The following C18orf54 variants were observed in gnomAD, a reference collection of about 807,000 sequenced individuals.
C18orf54 encodes lung adenoma susceptibility protein 2.
In C18orf54, 49 loss-of-function variants were observed where a neutral mutation model predicts 49.3. That is an observed-to-expected ratio of 0.99 (90% CI 0.79 to 1.26). C18orf54 has a LOEUF of 1.26. C18orf54 is among the 50% of genes most tolerant of loss of function. C18orf54 has a pLI of 0.00. For synonymous variants in C18orf54, 211 were observed against 216.6 expected, an observed-to-expected ratio of 0.97 and a Z score of 0.23; for missense variants, 687 against 620.6, an observed-to-expected ratio of 1.11 and a Z score of -1.14.
intron 5 of C18orf54, chr18:54,363,829 T>C (rs1233331988): frequency 5.9e-5 from 9 of 151,828 alleles, no homozygotes; most frequent in Non-Finnish European, 4.4e-5. Flanking sequence ...TTTTTTATTC[T>C]CAGTTGATTG....
intron 5 of C18orf54, among the ~76,000 whole-genome samples, chr18:54,364,725 T>G (rs1347106452): frequency 6.6e-6 from 1 of 152,078 alleles, no homozygotes; most frequent in Non-Finnish European, 1.5e-5. Flanking sequence ...TGGTAAATGT[T>G]TTTTAATAAC....
chr18:54,372,698 C>A, intron 7 of C18orf54, 101 bp downstream of exon 7: 1 of 1,098,878 alleles, frequency 9.1e-7, no homozygotes, highest in Non-Finnish European at 1.3e-6. Flanking sequence ...TGTTAGTAAG[C>A]ATGCCACATT....
chr18:54,367,450 G>C (rs2089406649), intron 6 of C18orf54, among the ~76,000 whole-genome samples: 1 of 152,088 alleles, frequency 6.6e-6, no homozygotes, highest in South Asian at 2.1e-4. Flanking sequence ...GGTTATGTAA[G>C]AAAGAGTTTA....
rs1426332278 is a variant in C18orf54, at chr18:54,362,120, C to G, written c.761C>G (p.Thr254Ser). The change falls in exon 4 of 9, where the codon ACT becomes AGT. Residue 254 changes from threonine to serine, a missense_variant. Coordinates refer to ENST00000620105, the MANE Select transcript of C18orf54 (RefSeq NM_001288980.2). ...QKSDLNVSGI[T>S]SIPDFKYPVW... Reference sequence around the variant, plus strand: ...TCTGACCTTAATGTTTCAGGGATAACTAGTATACCTGATTTCAAATACCCA... The same window carrying G: ...TCTGACCTTAATGTTTCAGGGATAAGTAGTATACCTGATTTCAAATACCCA... The G allele has an allele frequency of 6.5e-7, 1 of 1,536,824 alleles. No homozygotes were observed. The highest frequency in any genetic ancestry group is 1.2e-5 in the South Asian group (1 of 84,090).
Position 54,362,818 on chromosome 18 carries a change from C to CAGTGTACTGA in C18orf54, c.1123_1132dup (p.Glu378ValfsTer3). The CAGTGTACTGA allele has an allele frequency of 1.2e-6, 2 of 1,611,482 alleles. No homozygotes were observed. Among genetic ancestry groups the CAGTGTACTGA allele is most frequent in the South Asian group, 2.2e-5 (2 of 90,498 alleles). On this transcript the variant is annotated frameshift_variant, in exon 5 of 9. Transcript: ENST00000620105. LOFTEE classifies it high-confidence loss of function. ...CTTGAAGGCCAAGAGAAATCTAGAG[C>CAGTGTACTGA]AGTGTACTGAAGAATTACCAAAGTC...
intron 6 of C18orf54, among the ~76,000 whole-genome samples, chr18:54,369,798 T>C (rs937122488): frequency 1.8e-4 from 27 of 152,264 alleles, no homozygotes; most frequent in Middle Eastern, 3.4e-3. Flanking sequence ...TTTAGCCTTA[T>C]AATATCATAA....
At chr18:54,361,584 A>G in intron 3 of C18orf54, 59 bp from the exon 4 acceptor site, 1 of 1,367,200 alleles carries the variant, frequency 7.3e-7, no homozygotes, top group East Asian at 2.5e-5. Flanking sequence ...ATTCTCATTT[A>G]CTGTTGGATA....
intron 6 of C18orf54, among the ~76,000 whole-genome samples, chr18:54,370,931 C>T (rs1042772555): frequency 2.0e-5 from 3 of 148,666 alleles, no homozygotes; most frequent in Non-Finnish European, 4.5e-5. Flanking sequence ...CTAACTGGAT[C>T]CTTTTACCCT....
chr18:54,374,376 A>C lies in C18orf54; in HGVS notation c.1529+92A>C, dbSNP rs979025683. On this transcript the variant is annotated intron_variant, in intron 8 of 8. Coordinates refer to ENST00000620105, the MANE Select transcript of C18orf54 (RefSeq NM_001288980.2). ...CAGGGTAGAAGTAAGTAGTTTTAAG[A>C]GTAGCACTACTAGGCATATTTAAGC... The C allele has an allele frequency of 5.2e-6, 7 of 1,340,522 alleles. No homozygotes were observed. In the African/African-American group the frequency reaches 9.0e-5, roughly 17 times the overall value. The allele number at this position is 1,340,522 out of a possible 1,614,324, so 83.0% of individuals were successfully genotyped here.
intron 7 of C18orf54, 52 bp downstream of exon 7, chr18:54,372,649 T>A (rs2089509138): frequency 6.1e-6 from 9 of 1,476,612 alleles, no homozygotes; most frequent in Non-Finnish European, 8.2e-6. Context: ...GTATAAAGAT[T>A]TTTTTCTACA....
rs199598871 is a variant in C18orf54 at position 54,360,706 on chromosome 18, A to G, written c.134A>G (p.Tyr45Cys). The G allele has an allele frequency of 1.9e-6, 3 of 1,614,100 alleles. No individual in the cohort carries two copies. The highest frequency in any genetic ancestry group is 2.5e-6 in the Non-Finnish European group (3 of 1,179,956). The change falls in exon 3 of 9, where the codon TAC becomes TGC. Residue 45 changes from tyrosine to cysteine, a missense_variant. Tyr to Cys is a radical substitution (Grantham distance 194, BLOSUM62 -2). Transcript: ENST00000620105. ...DGSFHYKDKL[Y>C]RSASQALQAY... Reference sequence around the variant, plus strand: ...TCGTTTCACTATAAAGATAAGCTGTACAGATCTGCTTCTCAAGCTCTACAG... The same window carrying G: ...TCGTTTCACTATAAAGATAAGCTGTGCAGATCTGCTTCTCAAGCTCTACAG...
In C18orf54 at chr18:54,359,345, A is replaced by T. The variant is rs186513935; in HGVS notation, c.-47+475A>T. ...GGCTTAGTTTAGCCATTCGTCAGAG[A>T]TATACCAGTATTACAGAATTCAGAT... On this transcript the variant is annotated intron_variant, in intron 2 of 8. Transcript: ENST00000620105. Among the ~76,000 whole-genome samples, 14 of 152,358 alleles carry T rather than the reference A, an allele frequency of 9.2e-5. No individual in the cohort carries two copies. The East Asian group carries it at 2.7e-3, about 29-fold the overall frequency.
rs770141925 is a variant in C18orf54, at chr18:54,362,848, A to G, written c.1150A>G (p.Lys384Glu). 1 of 1,612,362 alleles carries G rather than the reference A, an allele frequency of 6.2e-7. No homozygotes were observed. The highest frequency in any genetic ancestry group is 8.5e-7 in the Non-Finnish European group (1 of 1,179,518). ...TACTGAAGAATTACCAAAGTCCATG[A>G]AAAAGGATGACAGTCCTTGCTCATT... ...QCTEELPKSM[K>E]KDDSPCSLDK... Residue 384 changes from lysine to glutamate, a missense_variant, in exon 5 of 9, where the codon AAA (lysine) becomes GAA (glutamate). Lys to Glu is a moderately conservative substitution (Grantham distance 56). Coordinates refer to ENST00000620105, the MANE Select transcript of C18orf54 (RefSeq NM_001288980.2).
At chr18:54,365,918 G>A in intron 6 of C18orf54, 97 bp downstream of exon 6, 1 of 522,462 alleles carries the variant, frequency 1.9e-6, no homozygotes, top group Non-Finnish European at 3.1e-6. Context: ...AAGCAAAAAA[G>A]ACTCAAATCT....
intron 5 of C18orf54, 38 bp from the exon 6 acceptor site, chr18:54,365,681 A>G: frequency 8.2e-7 from 1 of 1,226,410 alleles, no homozygotes; most frequent in South Asian, 1.4e-5. Context: ...GAAATTGGGA[A>G]CTTAATTGCT....
intron 2 of C18orf54, among the ~76,000 whole-genome samples, chr18:54,359,518 G>GT (rs2089217533): frequency 6.6e-6 from 1 of 152,120 alleles, no homozygotes; most frequent in Non-Finnish European, 1.5e-5. Context: ...AACTTTCGAT[G>GT]TTTTAAAGCC....
At chr18:54,361,609 T>A (rs1307609803) in intron 3 of C18orf54, 34 bp from the exon 4 acceptor site, 1 of 1,501,052 alleles carries the variant, frequency 6.7e-7, no homozygotes, top group East Asian at 2.3e-5. Context: ...AAAATATTTG[T>A]ATGTAATAAA....
At chr18:54,359,059 A>G (rs1212123034) in intron 2 of C18orf54, among the ~76,000 whole-genome samples, 189 bp downstream of exon 2, 1 of 152,204 alleles carries the variant, frequency 6.6e-6, no homozygotes, top group African/African-American at 2.4e-5. Context: ...CTTTTGGGGA[A>G]AAGTTGGAAA....
intron 8 of C18orf54, among the ~76,000 whole-genome samples, chr18:54,375,803 T>C (rs1295371669): frequency 1.3e-5 from 2 of 152,172 alleles, no homozygotes; most frequent in Non-Finnish European, 2.9e-5. Context: ...CCTTTAGTTA[T>C]TAATTCTGTT....
Sources: allele counts gnomAD v4.1 joint callset (sites outside exome capture counted in the v4.1 genomes callset), GRCh38; gene constraint gnomAD v4.1.1; transcripts MANE v1.5; gene names NCBI Gene and HGNC (gene_info 2026-07-23, HGNC 2026-07-21).